The following CCDC149 variants were observed in gnomAD, a reference collection of about 807,000 sequenced individuals.
The protein encoded by CCDC149 is coiled-coil domain-containing protein 149.
Under a neutral mutation model 59.9 loss-of-function variants are expected in CCDC149, and 45 were observed. The observed-to-expected ratio is 0.75, with a 90% confidence interval of 0.59 to 0.96. The LOEUF (loss-of-function observed/expected upper bound fraction) is 0.96, where lower values mean the gene tolerates loss of function less well. Ranked by LOEUF, CCDC149 falls within the 40% of genes least tolerant of loss-of-function variation. CCDC149 has a pLI of 0.00. For missense variants in CCDC149, 584 were observed against 664.7 expected, an observed-to-expected ratio of 0.88 and a Z score of 1.33; for synonymous variants, 245 against 260.6, an observed-to-expected ratio of 0.94 and a Z score of 0.58.
chr4:24,923,150 G>A (rs1443272874), intron 1 of CCDC149, among the ~76,000 whole-genome samples: 1 of 152,166 alleles, frequency 6.6e-6, no homozygotes, highest in African/African-American at 2.4e-5. Context: ...GAGCTCAGCT[G>A]ATTTGTGAGC....
intron 2 of CCDC149, among the ~76,000 whole-genome samples, chr4:24,876,230 T>C (rs953123788): frequency 6.6e-6 from 1 of 151,056 alleles, no homozygotes; most frequent in African/African-American, 2.4e-5. Flanking sequence ...GCCAGGAGCC[T>C]ACTGCAAACA....
At chr4:24,847,887 T>A (rs1358561813) in intron 4 of CCDC149, among the ~76,000 whole-genome samples, 3 of 152,208 alleles carry the variant, frequency 2.0e-5, no homozygotes, top group Non-Finnish European at 4.4e-5. Context: ...TTTGTCATGG[T>A]ACCAGTATTT....
chr4:24,855,785 T>C (rs952531550), intron 3 of CCDC149, among the ~76,000 whole-genome samples: 1 of 152,186 alleles, frequency 6.6e-6, no homozygotes, highest in Non-Finnish European at 1.5e-5. Context: ...AAAAATTTAG[T>C]GATGGATGAG....
At chr4:24,888,874 A>T (rs1255755524) in intron 1 of CCDC149, among the ~76,000 whole-genome samples, 1 of 151,942 alleles carries the variant, frequency 6.6e-6, no homozygotes, top group African/African-American at 2.4e-5. Flanking sequence ...AGCAATTTCA[A>T]ATTGGTAGCT....
rs1714177617 is a variant in CCDC149, at chr4:24,806,438, A to G, written c.*1951T>C. 6.6e-6 allele frequency: 1 copy of G among 152,250 alleles called. No individual in the cohort carries two copies. Among genetic ancestry groups the G allele is most frequent in the Non-Finnish European group, 1.5e-5 (1 of 68,046 alleles). The allele number at this position is 152,250 out of a possible 1,614,324, so 9.4% of individuals were successfully genotyped here. A position where few individuals can be genotyped will look rare whatever the true frequency, so the allele number is the denominator to read the frequency against. ...AGCCCTGCTTTTCAGAAGGTGCTCAACAGGCCCTGAAGATGTGCATCTGGC... is the reference window on the plus strand; with the variant it reads ...AGCCCTGCTTTTCAGAAGGTGCTCAGCAGGCCCTGAAGATGTGCATCTGGC... On this transcript the variant is annotated 3_prime_UTR_variant, in exon 13 of 13. Transcript: ENST00000635206.
intron 3 of CCDC149, among the ~76,000 whole-genome samples, chr4:24,862,406 C>A (rs1182932654): frequency 6.6e-6 from 1 of 152,208 alleles, no homozygotes; most frequent in African/African-American, 2.4e-5. Context: ...CCAAAAAGAG[C>A]AGTTAATCCC....
In CCDC149 at chr4:24,876,632, C is replaced by T; in HGVS notation, c.129G>A (p.Leu43=). 1 of 1,614,112 alleles carries T rather than the reference C, an allele frequency of 6.2e-7. No individual in the cohort carries two copies. The highest frequency in any genetic ancestry group is 8.5e-7 in the Non-Finnish European group (1 of 1,180,008). The change falls in exon 2 of 13, where the codon CTG becomes CTA. Residue 43 remains leucine (L), a synonymous_variant. Coordinates refer to ENST00000635206, the MANE Select transcript of CCDC149 (RefSeq NM_001330643.2). ...GGTCCCTTTCCTGTTGACAGGTGTC[C>T]AGCTCCTTGGAGAGGATCAGCAGGG...
chr4:24,820,133 A>G, intron 11 of CCDC149, 158 bp from the exon 12 acceptor site: 2 of 597,946 alleles, frequency 3.3e-6, no homozygotes, highest in Non-Finnish European at 3.0e-6. Context: ...ACTTCCTTAC[A>G]CTATTGCACC....
chr4:24,885,338 G>A (rs1221693521), intron 1 of CCDC149, among the ~76,000 whole-genome samples: 1 of 152,228 alleles, frequency 6.6e-6, no homozygotes, highest in African/African-American at 2.4e-5. Context: ...TGCCAAGCTT[G>A]AGAAGAGAAG....
chr4:24,818,842 T>C (rs1485661033), intron 12 of CCDC149, among the ~76,000 whole-genome samples: 1 of 152,194 alleles, frequency 6.6e-6, no homozygotes, highest in Admixed American at 6.5e-5. Context: ...ATTCTACTAA[T>C]CAAACAGACT....
intron 1 of CCDC149, among the ~76,000 whole-genome samples, chr4:24,893,612 A>ACTTTTTTTTTT (rs1354043764): frequency 1.1e-4 from 1 of 9,386 alleles, no homozygotes; most frequent in Non-Finnish European, 2.3e-4. Flanking sequence ...TAAAATACAG[A>ACTTTTTTTTTT]CTTTTTTTTT....
intron 12 of CCDC149, among the ~76,000 whole-genome samples, chr4:24,818,512 C>T (rs1715159377): frequency 6.6e-6 from 1 of 152,218 alleles, no homozygotes; most frequent in Non-Finnish European, 1.5e-5. Flanking sequence ...AGCAGCTTAA[C>T]TCAGAAGTCT....
At chr4:24,936,905 G>A (rs58461496) in intron 1 of CCDC149, among the ~76,000 whole-genome samples, 5,734 of 152,314 alleles carry the variant, frequency 0.038, 341 homozygotes, top group African/African-American at 0.13. Flanking sequence ...AGTCCCGAAG[G>A]TCTCTTAGGG....
At chr4:24,929,594 C>T (rs867992076) in intron 1 of CCDC149, among the ~76,000 whole-genome samples, 16 of 152,330 alleles carry the variant, frequency 1.1e-4, no homozygotes, top group African/African-American at 2.9e-4. Context: ...CCTTTTCCAA[C>T]GTAAACTCTG....
At chr4:24,979,606 C>G (rs1476212657) in intron 1 of CCDC149, among the ~76,000 whole-genome samples, 2 of 152,158 alleles carry the variant, frequency 1.3e-5, no homozygotes, top group Non-Finnish European at 2.9e-5. Context: ...TTTTCCTAAC[C>G]TGGTTCCTAC....
At chr4:24,928,445 G>T (rs1722491054) in intron 1 of CCDC149, among the ~76,000 whole-genome samples, 1 of 152,200 alleles carries the variant, frequency 6.6e-6, no homozygotes, top group South Asian at 2.1e-4. Flanking sequence ...CAACAGAATG[G>T]ATGGTATGCA....
At chr4:24,948,960 G>A (rs146379849) in intron 1 of CCDC149, among the ~76,000 whole-genome samples, 373 of 152,202 alleles carry the variant, frequency 2.5e-3, no homozygotes, top group Admixed American at 4.0e-3. Context: ...TTCATCTTCC[G>A]CCATGATTTT....
intron 1 of CCDC149, among the ~76,000 whole-genome samples, chr4:24,918,980 C>G (rs1722209735): frequency 6.6e-6 from 1 of 152,204 alleles, no homozygotes; most frequent in Non-Finnish European, 1.5e-5. Context: ...TCTAGATAGA[C>G]ACTGTCAACA....
downstream of CCDC149, among the ~76,000 whole-genome samples, chr4:24,803,541 T>C (rs976967520): frequency 3.3e-5 from 5 of 152,208 alleles, no homozygotes; most frequent in Non-Finnish European, 7.3e-5. The surrounding 1 kb of genome is among the most constrained non-coding windows in gnomAD (Gnocchi z 4.3). Flanking sequence ...CACATGTTTA[T>C]TTCAGGTAAC....
Sources: gnomAD v4.1 joint callset for allele counts (sites outside exome capture counted in the v4.1 genomes callset) on GRCh38, gnomAD v4.1.1 for gene constraint, Gnocchi (gnomAD v3.1) non-coding constraint, MANE v1.5 for transcripts, NCBI Gene and HGNC (gene_info 2026-07-23, HGNC 2026-07-21) for gene names.